SYT1: variants seen among roughly 807,000 people sequenced by gnomAD.
SYT1 encodes the protein synaptotagmin-1.
In SYT1, 8 loss-of-function variants were observed where a neutral mutation model predicts 44.8. The observed-to-expected ratio is 0.18, with a 90% CI of 0.10 to 0.32. The LOEUF (loss-of-function observed/expected upper bound fraction) is 0.32, where lower values mean the gene tolerates loss of function less well. Among genes scored for constraint, SYT1 ranks in the 10% least tolerant of loss-of-function variants. SYT1 has a pLI of 1.00. For synonymous variants in SYT1, 154 were observed against 188.8 expected, an observed-to-expected ratio of 0.82 and a Z score of 1.51; for missense variants, 286 against 509.3, an observed-to-expected ratio of 0.56 and a Z score of 4.22.
At chr12:79,259,268 T>A (rs528187427) in intron 4 of SYT1, among the ~76,000 whole-genome samples, 3 of 152,314 alleles carry the variant, frequency 2.0e-5, no homozygotes, top group East Asian at 3.9e-4. Context: ...TACAAAAAAA[T>A]TCAGAGCTCT....
chr12:79,321,962 G>A (rs1366900286), intron 8 of SYT1, among the ~76,000 whole-genome samples: 6 of 152,294 alleles, frequency 3.9e-5, no homozygotes, highest in Admixed American at 2.6e-4. Context: ...CCGGACGAGA[G>A]GAGAGAAGCA....
chr12:79,339,019 T>A (rs1318403544), intron 8 of SYT1, among the ~76,000 whole-genome samples: 1 of 152,196 alleles, frequency 6.6e-6, no homozygotes. Flanking sequence ...TATGGCTGCG[T>A]AGTATTCCAT....
Position 79,449,881 on chromosome 12 carries a change from A to ATGAT in SYT1, c.*759_*762dup, listed in dbSNP as rs1482842436. The ATGAT allele has an allele frequency of 1.3e-5, 2 of 151,972 alleles. No homozygotes were observed. Among genetic ancestry groups the ATGAT allele is most frequent in the Admixed American group, 6.6e-5 (1 of 15,228 alleles). 9.4% of individuals were successfully genotyped at this position (151,972 alleles called of 1,614,324 possible). A position where few individuals can be genotyped will look rare whatever the true frequency, so the allele number is the denominator to read the frequency against. On this transcript the variant is annotated 3_prime_UTR_variant, in exon 11 of 11. Transcript: ENST00000261205. ...TGAGGAAGCAACTGAACAGGAGTCA[A>ATGAT]TGATTTCATATTACTGCATATAGAA...
rs137992957 is a variant in SYT1, at chr12:78,950,616, C to T, written c.-216-27183C>T. On this transcript the variant is annotated intron_variant, in intron 1 of 10. Transcript: ENST00000261205. ...TGTTGAAAGACACATACATAATATA[C>T]GGCAAAACAAATCTTCAAAATCAGT... Among the ~76,000 whole-genome samples the T allele has an allele frequency of 1.1e-3, 167 of 152,156 alleles. 1 individual carries two copies. The East Asian group carries it at 0.031, about 28-fold the overall frequency.
chr12:78,871,061 T>C (rs932767314), intron 1 of SYT1, among the ~76,000 whole-genome samples: 1 of 152,038 alleles, frequency 6.6e-6, no homozygotes, highest in Admixed American at 6.6e-5. Flanking sequence ...CAGTATAGTA[T>C]TTTTTTAACT....
intron 2 of SYT1, among the ~76,000 whole-genome samples, chr12:79,003,331 T>G (rs2137538701): frequency 6.6e-6 from 1 of 152,068 alleles, no homozygotes. Flanking sequence ...CAAATTCCAC[T>G]TAATGACTTG....
chr12:78,901,833 A>G (rs1439455251), intron 1 of SYT1, among the ~76,000 whole-genome samples: 3 of 152,108 alleles, frequency 2.0e-5, no homozygotes, highest in African/African-American at 7.2e-5. Flanking sequence ...AATGGATGAA[A>G]TGTGGATGCT....
At chr12:78,865,918 CA>C (rs35001234) in intron 1 of SYT1, among the ~76,000 whole-genome samples, 83,233 of 144,674 alleles carry the variant, frequency 0.58, 23,392 homozygotes, top group Admixed American at 0.66. Flanking sequence ...TCTTGAGTAA[CA>C]AAAAAAAAAA....
intron 5 of SYT1, 41 bp from the exon 6 acceptor site, chr12:79,291,967 A>G: frequency 6.2e-7 from 1 of 1,611,688 alleles, no homozygotes. Flanking sequence ...AGTTTTGATG[A>G]AAACTCTGAA....
intron 9 of SYT1, among the ~76,000 whole-genome samples, chr12:79,418,275 T>C (rs1868880935): frequency 6.6e-6 from 1 of 152,150 alleles, no homozygotes; most frequent in Non-Finnish European, 1.5e-5. Context: ...AATTTTTCAC[T>C]TGGTGCCCGA....
At chr12:79,104,814 G>GA (rs1878623006) in intron 3 of SYT1, among the ~76,000 whole-genome samples, 1 of 152,076 alleles carries the variant, frequency 6.6e-6, no homozygotes, top group Non-Finnish European at 1.5e-5. Flanking sequence ...AAAGAGGAGA[G>GA]AATGGGGCCT....
intron 4 of SYT1, among the ~76,000 whole-genome samples, chr12:79,231,633 A>G (rs2138618923): frequency 6.6e-6 from 1 of 152,308 alleles, no homozygotes; most frequent in South Asian, 2.1e-4. Context: ...ACTATAATTG[A>G]TTTAGTCATA....
chr12:79,164,853 A>G lies in SYT1; in HGVS notation c.-17-52650A>G, dbSNP rs556964501. Among the ~76,000 whole-genome samples the G allele has an allele frequency of 5.9e-5, 9 of 152,174 alleles. No homozygotes were observed. In the East Asian group the frequency reaches 1.5e-3, roughly 26 times the overall value. ...TGGTGATGTAGACAGAACCCGGCGG[A>G]TACCTAAATTTCTGTTGAGGGAGAT... On this transcript the variant is annotated intron_variant, in intron 3 of 10. Coordinates refer to ENST00000261205, the MANE Select transcript of SYT1 (RefSeq NM_005639.3).
intron 9 of SYT1, among the ~76,000 whole-genome samples, chr12:79,363,147 G>A (rs932682579): frequency 1.3e-5 from 2 of 151,848 alleles, no homozygotes; most frequent in African/African-American, 4.8e-5. Context: ...AAATAAGGAG[G>A]GTCAGAATTT....
At chr12:79,259,798 G>A (rs921905131) in intron 4 of SYT1, among the ~76,000 whole-genome samples, 9 of 152,144 alleles carry the variant, frequency 5.9e-5, no homozygotes, top group Admixed American at 5.2e-4. Context: ...GCCATATGGG[G>A]CAAAGTGCAA....
chr12:79,055,909 T>G (rs949087751), intron 3 of SYT1, among the ~76,000 whole-genome samples: 7 of 152,004 alleles, frequency 4.6e-5, no homozygotes, highest in Non-Finnish European at 8.8e-5. Context: ...CAGTCAATGA[T>G]GGACTGCATA....
intron 3 of SYT1, among the ~76,000 whole-genome samples, chr12:79,131,874 A>T (rs1868843901): frequency 6.6e-6 from 1 of 152,220 alleles, no homozygotes; most frequent in Non-Finnish European, 1.5e-5. Context: ...GAATGTGGTT[A>T]ATTCGAGTAA....
chr12:79,348,998 G>GGAAAGAAAGAAAGAAAGAAA (rs71865653), intron 8 of SYT1, among the ~76,000 whole-genome samples: 82 of 125,416 alleles, frequency 6.5e-4, no homozygotes, highest in African/African-American at 1.4e-3. Flanking sequence ...AAAGAGAGAA[G>GGAAAGAAAGAAAGAAAGAAA]GAAAGAAAGA....
intron 1 of SYT1, chr12:78,955,645 T>C (rs985064913): frequency 6.6e-6 from 1 of 152,146 alleles, no homozygotes; most frequent in Non-Finnish European, 1.5e-5. Flanking sequence ...GGCCCACCTC[T>C]TAATGCCATT....
Sources: gnomAD v4.1 joint callset for allele counts (sites outside exome capture counted in the v4.1 genomes callset) on GRCh38, gnomAD v4.1.1 for gene constraint, MANE v1.5 for transcripts, NCBI Gene and HGNC (gene_info 2026-07-23, HGNC 2026-07-21) for gene names.